UBIAD1: variants seen among roughly 807,000 people sequenced by gnomAD.
UBIAD1 encodes ubiA prenyltransferase domain-containing protein 1.
UBIAD1 carries 12 observed loss-of-function variants against 20.1 expected under a neutral mutation model. The observed-to-expected ratio is 0.60, with a 90% confidence interval of 0.38 to 0.97. The LOEUF (loss-of-function observed/expected upper bound fraction) is 0.97, where lower values mean the gene tolerates loss of function less well. Ranked by LOEUF, UBIAD1 falls within the 50% of genes least tolerant of loss-of-function variation. UBIAD1 has a pLI of 0.00. For synonymous variants in UBIAD1, 207 were observed against 189.2 expected (o/e 1.09, Z -0.77); for missense variants, 333 against 419.5 (o/e 0.79, Z 1.80).
downstream of UBIAD1, among the ~76,000 whole-genome samples, chr1:11,290,766 G>A (rs904032134): frequency 5.3e-5 from 8 of 151,998 alleles, no homozygotes; most frequent in African/African-American, 1.9e-4. Flanking sequence ...ATCACTTGAG[G>A]TCAGGAATTC....
intron 1 of UBIAD1, among the ~76,000 whole-genome samples, chr1:11,275,136 A>T (rs1651967826): frequency 6.6e-6 from 1 of 152,212 alleles, no homozygotes; most frequent in Non-Finnish European, 1.5e-5. Flanking sequence ...GTTCTGTGTG[A>T]ACACAGCAGT....
In UBIAD1 at chr1:11,286,552, G is replaced by A. The variant is rs540755052; in HGVS notation, c.*421G>A. On this transcript the variant is annotated 3_prime_UTR_variant, in exon 2 of 2. Transcript: ENST00000376810. ...GGCAGAGTGTTGTCCTGCTTTCTTC[G>A]TCTCGTAGGATGTGCTATGATTGGT... 1.4e-5 allele frequency: 4 copies of A among 293,368 alleles called. No individual in the cohort carries two copies. The highest frequency in any genetic ancestry group is 5.0e-5 in the Admixed American group (1 of 20,022). The allele number at this position is 293,368 out of a possible 1,614,324, so 18.2% of individuals were successfully genotyped here.
At chr1:11,290,997 G>A (rs1275109724), downstream of UBIAD1, among the ~76,000 whole-genome samples, 2 of 151,646 alleles carry the variant, frequency 1.3e-5, no homozygotes, top group African/African-American at 4.9e-5. Flanking sequence ...ACCAACACCT[G>A]AGCCTTTGAC....
At chr1:11,277,380 C>T (rs373080729) in intron 1 of UBIAD1, among the ~76,000 whole-genome samples, 128 of 151,110 alleles carry the variant, frequency 8.5e-4, no homozygotes, top group South Asian at 8.2e-3. Context: ...CCACAATCTC[C>T]GCCTCCCAGG....
chr1:11,274,816 G>A (rs905146014), intron 1 of UBIAD1, among the ~76,000 whole-genome samples: 2 of 152,040 alleles, frequency 1.3e-5, no homozygotes, highest in African/African-American at 4.8e-5. Flanking sequence ...CACCATGTTG[G>A]CCAGGCTGGT....
At chr1:11,294,770 G>A (rs1638421488) in intron 1 of UBIAD1, 2 of 716,332 alleles carry the variant, frequency 2.8e-6, no homozygotes. Flanking sequence ...ATGGAGAGTG[G>A]CTCCTGCCTA....
At chr1:11,276,265 G>A (rs1223184122) in intron 1 of UBIAD1, among the ~76,000 whole-genome samples, 1 of 151,388 alleles carries the variant, frequency 6.6e-6, no homozygotes, top group Non-Finnish European at 1.5e-5. Context: ...GGTAGACAGG[G>A]TTTGCTGATG....
At chr1:11,283,915 C>T (rs982125179) in intron 1 of UBIAD1, among the ~76,000 whole-genome samples, 1 of 152,188 alleles carries the variant, frequency 6.6e-6, no homozygotes, top group Non-Finnish European at 1.5e-5. Flanking sequence ...GGCAGCTCCA[C>T]TCATTCCATA....
chr1:11,273,665 A>G lies in UBIAD1; in HGVS notation c.134A>G (p.Lys45Arg), dbSNP rs1190972228. 6.2e-7 allele frequency: 1 copy of G among 1,614,060 alleles called. No individual in the cohort carries two copies. The highest frequency in any genetic ancestry group is 8.5e-7 in the Non-Finnish European group (1 of 1,180,044). Residue 45 changes from lysine to arginine, a missense_variant, in exon 1 of 2, where the codon AAG (lysine) becomes AGG (arginine). Physicochemically the swap from Lys to Arg is conservative, Grantham distance 26. Around this residue, in one of 3 missense-constraint regions of UBIAD1, gnomAD observed 50 missense variants for 101.2 expected, o/e 0.49. Coordinates refer to ENST00000376810, the MANE Select transcript of UBIAD1 (RefSeq NM_013319.3). The surrounding 1 kb of genome is among the most constrained non-coding windows in gnomAD (Gnocchi z 4.9). ...CTCCCCCAGCGCTCCTGGAGGCAGA[A>G]GTGTGCCTCCTACGTGTTGGCCCTG... ...DRLPQRSWRQKCASYVLALRP... is the reference protein window; with the variant it reads ...DRLPQRSWRQRCASYVLALRP...
At chr1:11,284,610 G>A (rs1445147144) in intron 1 of UBIAD1, among the ~76,000 whole-genome samples, 7 of 152,086 alleles carry the variant, frequency 4.6e-5, no homozygotes, top group African/African-American at 1.2e-4. Context: ...GATTACAGGC[G>A]TGTGCCACAC....
chr1:11,290,760 C>T (rs530818493), downstream of UBIAD1, among the ~76,000 whole-genome samples: 5 of 152,298 alleles, frequency 3.3e-5, no homozygotes, highest in African/African-American at 1.2e-4. Context: ...GGGTGGATCA[C>T]TTGAGGTCAG....
intron 1 of UBIAD1, among the ~76,000 whole-genome samples, chr1:11,280,675 A>G (rs958916010): frequency 3.3e-5 from 5 of 152,180 alleles, no homozygotes; most frequent in Non-Finnish European, 7.4e-5. Flanking sequence ...CACGTCTCAC[A>G]TCCAGTTCAT....
chr1:11,285,681 C>T lies in UBIAD1; in HGVS notation c.567C>T (p.Ile189=), dbSNP rs1557519819. 1.9e-6 allele frequency: 3 copies of T among 1,614,200 alleles called. No homozygotes were observed. The highest frequency in any genetic ancestry group is 2.5e-6 in the Non-Finnish European group (3 of 1,180,042). The change falls in exon 2 of 2, where the codon ATC becomes ATT. Residue 189 remains isoleucine, a synonymous_variant. Coordinates refer to ENST00000376810, the MANE Select transcript of UBIAD1 (RefSeq NM_013319.3). The surrounding 1 kb of genome is among the most constrained non-coding windows in gnomAD (Gnocchi z 4.4). ...AGTACGTGGCTCTGGGAGACCTCAT[C>T]ATCCTCATCACTTTTGGCCCGCTGG... ...GFKYVALGDL[I]ILITFGPLAV...
At chr1:11,295,035 G>T (rs1012017688) in exon 2 of UBIAD1, 5 of 693,682 alleles carry the variant, frequency 7.2e-6, no homozygotes, top group Non-Finnish European at 1.3e-5. Context: ...GGGGTGGGCA[G>T]CATCTGGAGC....
chr1:11,277,915 A>G (rs1445389951), intron 1 of UBIAD1, among the ~76,000 whole-genome samples: 1 of 152,182 alleles, frequency 6.6e-6, no homozygotes, highest in Non-Finnish European at 1.5e-5. Context: ...AAGTGCTGGC[A>G]TTAAAGGTGT....
At position 11,285,745 on chromosome 1, in the gene UBIAD1, GCCATCTTC is replaced by G; in HGVS notation, c.635_642del (p.Ile212ThrfsTer83). The G allele has an allele frequency of 6.2e-7, 1 of 1,614,106 alleles. No individual in the cohort carries two copies. The highest frequency in any genetic ancestry group is 8.5e-7 in the Non-Finnish European group (1 of 1,180,018). ...CTACGCCATCCAGGTGGGGTCCCTG[GCCATCTTC>G]CCACTGGTCTATGCCATCCCCCTCG... is the stretch of plus-strand genomic sequence containing the variant. On this transcript the variant is annotated frameshift_variant, in exon 2 of 2. Coordinates refer to ENST00000376810, the MANE Select transcript of UBIAD1 (RefSeq NM_013319.3). LOFTEE classifies it high-confidence loss of function. The surrounding 1 kb of genome is among the most constrained non-coding windows in gnomAD (Gnocchi z 4.4).
chr1:11,299,481 A>G (rs1156917739), downstream of UBIAD1, among the ~76,000 whole-genome samples: 1 of 152,122 alleles, frequency 6.6e-6, no homozygotes, highest in African/African-American at 2.4e-5. Context: ...TTCATTTTCA[A>G]CACTTCTTTC....
At chr1:11,299,121 C>A (rs959038100), downstream of UBIAD1, among the ~76,000 whole-genome samples, 3 of 152,210 alleles carry the variant, frequency 2.0e-5, no homozygotes, top group Non-Finnish European at 4.4e-5. Flanking sequence ...CAGGAGAGGC[C>A]CTGCCCTGGA....
Position 11,287,344 on chromosome 1 carries a change from A to C in UBIAD1, c.*1213A>C, listed in dbSNP as rs1248848299. On this transcript the variant is annotated 3_prime_UTR_variant, in exon 2 of 2. Transcript: ENST00000376810. ...TAGTTGAGGGCTTTAGTGAGATCAC[A>C]CTCAGAGTGGGGCAATTCCAGCATT... 6.6e-6 allele frequency: 1 copy of C among 152,188 alleles called. No homozygotes were observed. Among genetic ancestry groups the C allele is most frequent in the Non-Finnish European group, 1.5e-5 (1 of 68,040 alleles). 9.4% of individuals were successfully genotyped at this position (152,188 alleles called of 1,614,324 possible). A position where few individuals can be genotyped will look rare whatever the true frequency, so the allele number is the denominator to read the frequency against.
Sources: gnomAD v4.1 joint callset for allele counts (sites outside exome capture counted in the v4.1 genomes callset) on GRCh38, gnomAD v4.1.1 for gene constraint, gnomAD v4.1.1 regional missense constraint, Gnocchi (gnomAD v3.1) non-coding constraint, MANE v1.5 for transcripts, NCBI Gene and HGNC (gene_info 2026-07-23, HGNC 2026-07-21) for gene names.